Variants in BCKDHB observed in about 807,000 individuals in gnomAD.
BCKDHB encodes branched chain keto acid dehydrogenase E1 subunit beta, also known as 2-oxoisovalerate dehydrogenase subunit beta, mitochondrial.
BCKDHB carries 41 observed loss-of-function variants against 48.5 expected under a neutral mutation model. The observed-to-expected ratio is 0.85, with a 90% CI of 0.66 to 1.10. The LOEUF (loss-of-function observed/expected upper bound fraction) is 1.10. Among genes scored for constraint, BCKDHB ranks in the 50% least tolerant of loss-of-function variants. The pLI is 0.00. For synonymous variants in BCKDHB, 201 were observed against 174.8 expected (o/e 1.15, Z -1.18); for missense variants, 496 against 494.2 (o/e 1.00, Z -0.03).
In BCKDHB at chr6:80,324,297, G is replaced by C. The variant is rs539100439; in HGVS notation, c.1039-19367G>C. 1.6e-4 allele frequency among the ~76,000 whole-genome samples: 24 copies of C among 152,234 alleles called. No homozygotes were observed. The South Asian group carries it at 3.3e-3, about 21-fold the overall frequency. ...ATTAAATAAGACTTTCTGTAGGTGG[G>C]ACCTAGGCATCTGTTTTTAAAGCCC... On this transcript the variant is annotated intron_variant, in intron 9 of 9. Coordinates refer to ENST00000320393, the MANE Select transcript of BCKDHB (RefSeq NM_183050.4).
At chr6:80,424,905 A>G in the BCKDHB span, among the ~76,000 whole-genome samples, 1 of 152,210 alleles carries the variant, frequency 6.6e-6, no homozygotes, top group East Asian at 1.9e-4. Flanking sequence ...AGAGCGGAAA[A>G]GAGTCCAAGG....
intron 9 of BCKDHB, among the ~76,000 whole-genome samples, chr6:80,322,889 C>CTTTTTTTTT (rs1562229255): frequency 2.6e-5 from 3 of 116,616 alleles, no homozygotes; most frequent in Non-Finnish European, 5.2e-5. Context: ...CTTTTTTTTT[C>CTTTTTTTTT]TTTTTTCTTT....
intron 3 of BCKDHB, among the ~76,000 whole-genome samples, chr6:80,162,724 G>A (rs1050282728): frequency 2.6e-5 from 4 of 152,106 alleles, no homozygotes; most frequent in South Asian, 2.1e-4. Context: ...GGTCGTGGGC[G>A]CCTGTAATCC....
chr6:80,449,323 T>C, the BCKDHB span, among the ~76,000 whole-genome samples: 1 of 152,202 alleles, frequency 6.6e-6, no homozygotes, highest in Admixed American at 6.5e-5. Flanking sequence ...TATTCATTTG[T>C]TCATTTAATA....
rs546294986 is a variant in BCKDHB at position 80,308,635 on chromosome 6, C to T, written c.1039-35029C>T. ...TTTGAGACGGAGTCTCGCTCTGTCG[C>T]CCAGGCTGGAGTGCAGTGGCGTGAT... On this transcript the variant is annotated intron_variant, in intron 9 of 9. Transcript: ENST00000320393. Among the ~76,000 whole-genome samples, 230 of 150,664 alleles carry T rather than the reference C, an allele frequency of 1.5e-3. 1 individual carries two copies. The highest frequency in any genetic ancestry group is 5.4e-3 in the African/African-American group (221 of 41,062).
chr6:80,243,027 G>A (rs954205930), intron 8 of BCKDHB, among the ~76,000 whole-genome samples: 4 of 152,246 alleles, frequency 2.6e-5, no homozygotes, highest in East Asian at 3.9e-4. Flanking sequence ...ATCGGGAAAC[G>A]ACTCAGGCAT....
intron 9 of BCKDHB, among the ~76,000 whole-genome samples, chr6:80,275,677 A>T (rs754520807): frequency 4.0e-5 from 6 of 151,820 alleles, no homozygotes; most frequent in Non-Finnish European, 5.9e-5. Context: ...CACTTGAAAA[A>T]TTTTTTTTCA....
At chr6:80,115,729 C>T (rs546889179) in intron 1 of BCKDHB, among the ~76,000 whole-genome samples, 1 of 151,918 alleles carries the variant, frequency 6.6e-6, no homozygotes, top group East Asian at 1.9e-4. Flanking sequence ...CTCTGCCTCC[C>T]AGATTCTCAC....
Position 80,315,674 on chromosome 6 carries a change from A to T in BCKDHB, c.1039-27990A>T, listed in dbSNP as rs75427406. Among the ~76,000 whole-genome samples, 1,224 of 151,742 alleles carry T rather than the reference A, an allele frequency of 8.1e-3. 21 individuals carry two copies. Among genetic ancestry groups the T allele is most frequent in the African/African-American group, 0.028 (1,156 of 41,312 alleles). ...TGCCATATCTCCCAGGTTTGAATGC[A>T]GTGGCACAATCATAGTTCACTGTAT... On this transcript the variant is annotated intron_variant, in intron 9 of 9. Transcript: ENST00000320393.
At chr6:80,259,887 A>G (rs1210527773) in intron 8 of BCKDHB, among the ~76,000 whole-genome samples, 2 of 152,214 alleles carry the variant, frequency 1.3e-5, no homozygotes, top group African/African-American at 4.8e-5. Flanking sequence ...CCATGACAGT[A>G]GTGATGATGA....
intron 8 of BCKDHB, among the ~76,000 whole-genome samples, chr6:80,206,404 G>T (rs1319935562): frequency 6.6e-6 from 1 of 152,060 alleles, no homozygotes; most frequent in African/African-American, 2.4e-5. Context: ...AAAGGGGAAA[G>T]AAACAATAAA....
chr6:80,200,240 A>G (rs898733653), intron 6 of BCKDHB, among the ~76,000 whole-genome samples: 45 of 152,108 alleles, frequency 3.0e-4, no homozygotes, highest in African/African-American at 9.7e-4. Context: ...GTTTTCTCTC[A>G]GATACCAGTG....
chr6:80,164,332 G>C (rs1226655996), intron 3 of BCKDHB, among the ~76,000 whole-genome samples: 3 of 152,010 alleles, frequency 2.0e-5, no homozygotes, highest in Non-Finnish European at 4.4e-5. Context: ...TTTTGTACTT[G>C]ATGGTCGCTC....
chr6:80,115,086 A>G (rs1769615159), intron 1 of BCKDHB, among the ~76,000 whole-genome samples: 1 of 152,290 alleles, frequency 6.6e-6, no homozygotes, highest in Admixed American at 6.5e-5. Context: ...TATCATGGAT[A>G]TGTGATACAC....
the BCKDHB span, among the ~76,000 whole-genome samples, chr6:80,389,763 G>T: frequency 0.53 from 81,185 of 152,054 alleles, 22,078 homozygotes; most frequent in Non-Finnish European, 0.58. Context: ...GTGACAATAC[G>T]ATGCAGGGCT....
At chr6:80,311,313 G>C (rs1025304727) in intron 9 of BCKDHB, among the ~76,000 whole-genome samples, 1 of 152,058 alleles carries the variant, frequency 6.6e-6, no homozygotes, top group Non-Finnish European at 1.5e-5. Context: ...CCCAGTCTCG[G>C]GTATGCCTTT....
intron 8 of BCKDHB, among the ~76,000 whole-genome samples, chr6:80,238,344 T>C (rs1055875642): frequency 1.2e-4 from 18 of 152,136 alleles, no homozygotes; most frequent in Non-Finnish European, 2.1e-4. Context: ...GGTCATCTGC[T>C]GGCCTTGGCC....
chr6:80,336,875 G>C (rs755404747), intron 9 of BCKDHB, among the ~76,000 whole-genome samples: 1 of 151,944 alleles, frequency 6.6e-6, no homozygotes, highest in African/African-American at 2.4e-5. Context: ...TATTAGTTTG[G>C]GGGTAGGTTA....
intron 8 of BCKDHB, among the ~76,000 whole-genome samples, chr6:80,230,725 G>T (rs868788333): frequency 5.3e-5 from 8 of 152,156 alleles, no homozygotes; most frequent in Non-Finnish European, 7.4e-5. Flanking sequence ...GCCTGCATCT[G>T]GCAAGGACCT....
Sources: gnomAD v4.1 joint callset for allele counts (sites outside exome capture counted in the v4.1 genomes callset) on GRCh38, gnomAD v4.1.1 for gene constraint, MANE v1.5 for transcripts, NCBI Gene and HGNC (gene_info 2026-07-23, HGNC 2026-07-21) for gene names.